AGMO: variants seen among roughly 807,000 people sequenced by gnomAD.
AGMO encodes the protein glyceryl-ether monooxygenase.
AGMO carries 75 observed loss-of-function variants against 60.2 expected under a neutral mutation model. The ratio of observed to expected loss-of-function variants is 1.25; its 90% CI spans 1.03 to 1.51. The LOEUF is 1.51. Ranked by LOEUF, AGMO falls within the 40% of genes most tolerant of loss-of-function variation. The probability of loss-of-function intolerance (pLI) is 0.00; values close to 1 mark genes in which losing one functional copy is unlikely to be tolerated. For synonymous variants in AGMO, 261 were observed against 177.1 expected, an observed-to-expected ratio of 1.47 and a Z score of -3.76; for missense variants, 763 against 525.5, an observed-to-expected ratio of 1.45 and a Z score of -4.42.
intron 12 of AGMO, among the ~76,000 whole-genome samples, chr7:15,242,697 A>G (rs1332359838): frequency 6.6e-6 from 1 of 152,146 alleles, no homozygotes; most frequent in South Asian, 2.1e-4. Context: ...AAGGACCTAA[A>G]TATTTACATG....
intron 5 of AGMO, among the ~76,000 whole-genome samples, chr7:15,415,627 A>G (rs1780744265): frequency 6.6e-6 from 1 of 152,134 alleles, no homozygotes; most frequent in Non-Finnish European, 1.5e-5. Flanking sequence ...TCTCTACTCA[A>G]GCATTACATG....
At chr7:15,510,171 T>A (rs1430013499) in intron 3 of AGMO, among the ~76,000 whole-genome samples, 1 of 152,056 alleles carries the variant, frequency 6.6e-6, no homozygotes, top group African/African-American at 2.4e-5. Context: ...TAAGCATCTT[T>A]TGTTTTGTTT....
chr7:15,553,401 A>G (rs1785032167), intron 2 of AGMO, among the ~76,000 whole-genome samples: 2 of 152,034 alleles, frequency 1.3e-5, no homozygotes, highest in African/African-American at 4.8e-5. Flanking sequence ...AGAAAGTTGA[A>G]ATCATCTCTA....
At chr7:15,349,328 G>GT (rs1171516111) in intron 12 of AGMO, among the ~76,000 whole-genome samples, 29 of 152,234 alleles carry the variant, frequency 1.9e-4, no homozygotes, top group Admixed American at 3.9e-4. Context: ...TGGAACCACT[G>GT]TGAGTGCCAT....
intron 10 of AGMO, among the ~76,000 whole-genome samples, chr7:15,384,563 C>A (rs958868178): frequency 6.6e-6 from 1 of 152,118 alleles, no homozygotes; most frequent in Non-Finnish European, 1.5e-5. Flanking sequence ...ACACCTGTTT[C>A]TTTCCAATAT....
intron 12 of AGMO, among the ~76,000 whole-genome samples, chr7:15,327,431 G>A (rs1452420655): frequency 6.6e-6 from 1 of 152,120 alleles, no homozygotes; most frequent in Non-Finnish European, 1.5e-5. Context: ...GGAATGACTG[G>A]GGCTGAGTCT....
intron 3 of AGMO, among the ~76,000 whole-genome samples, chr7:15,512,176 T>A (rs887846722): frequency 1.3e-5 from 2 of 152,224 alleles, no homozygotes; most frequent in Non-Finnish European, 2.9e-5. Context: ...ACCTCTTGTG[T>A]CATCTTCTAA....
At chr7:15,397,704 G>A (rs60157613) in intron 5 of AGMO, among the ~76,000 whole-genome samples, 14,695 of 151,930 alleles carry the variant, frequency 0.097, 2,304 homozygotes, top group African/African-American at 0.33. Context: ...ATATATTTTG[G>A]CCTACAAACA....
chr7:15,243,524 C>T (rs771236911), intron 12 of AGMO, among the ~76,000 whole-genome samples: 2 of 152,030 alleles, frequency 1.3e-5, no homozygotes, highest in East Asian at 1.9e-4. Context: ...ATAATGTAAA[C>T]GTCACTTGAC....
At chr7:15,416,078 G>T (rs11765926) in intron 5 of AGMO, among the ~76,000 whole-genome samples, 1 of 145,232 alleles carries the variant, frequency 6.9e-6, no homozygotes, top group Non-Finnish European at 1.5e-5. Context: ...CTGTCGCCCA[G>T]GCTGGAGTGC....
the AGMO span, among the ~76,000 whole-genome samples, chr7:15,165,862 T>A: frequency 1.3e-5 from 2 of 152,186 alleles, no homozygotes; most frequent in Non-Finnish European, 2.9e-5. Flanking sequence ...AAGCATATTA[T>A]TGCTCCATAG....
rs558675172 is a variant in AGMO, at chr7:15,511,278, T to C, written c.409+33494A>G. ...CCAGTGAACCTAATGAGCACATCTT[T>C]TATACGTAGTATGAAAGCAAAGTAC... On this transcript the variant is annotated intron_variant, in intron 3 of 12. Coordinates refer to ENST00000342526, the MANE Select transcript of AGMO (RefSeq NM_001004320.2). Among the ~76,000 whole-genome samples the C allele has an allele frequency of 3.6e-4, 55 of 152,246 alleles. No homozygotes were observed. The South Asian group carries it at 0.011, about 32-fold the overall frequency.
At chr7:15,492,880 C>A (rs1455119993) in intron 3 of AGMO, among the ~76,000 whole-genome samples, 1 of 152,082 alleles carries the variant, frequency 6.6e-6, no homozygotes, top group Non-Finnish European at 1.5e-5. Flanking sequence ...TCTTACCAGC[C>A]CCTCTGTCTT....
chr7:15,339,502 TA>T (rs1182971753), intron 12 of AGMO, among the ~76,000 whole-genome samples: 1 of 152,212 alleles, frequency 6.6e-6, no homozygotes, highest in Non-Finnish European at 1.5e-5. Context: ...CAGCTGGAAT[TA>T]TGTCAGAAGA....
At chr7:15,434,913 T>A (rs1283335607) in intron 3 of AGMO, among the ~76,000 whole-genome samples, 1 of 151,046 alleles carries the variant, frequency 6.6e-6, no homozygotes, top group Non-Finnish European at 1.5e-5. Context: ...TTTCTTTCCT[T>A]TTAGTTTTGC....
At chr7:15,207,885 G>T (rs1225565668) in intron 12 of AGMO, among the ~76,000 whole-genome samples, 2 of 152,234 alleles carry the variant, frequency 1.3e-5, no homozygotes. Flanking sequence ...AGTGAGCCGA[G>T]ATGGTGCCAC....
chr7:15,174,753 G>GA, the AGMO span, among the ~76,000 whole-genome samples: 1 of 129,426 alleles, frequency 7.7e-6, no homozygotes, highest in Non-Finnish European at 1.9e-5. Flanking sequence ...AATAAATGTG[G>GA]AAAAAGACTA....
At chr7:15,373,702 T>C (rs527595186) in intron 10 of AGMO, among the ~76,000 whole-genome samples, 20 of 152,240 alleles carry the variant, frequency 1.3e-4, no homozygotes, top group African/African-American at 4.3e-4. Context: ...TATGAAAAAA[T>C]TCTTTTTTTA....
At chr7:15,522,602 T>G (rs1198822410) in intron 3 of AGMO, among the ~76,000 whole-genome samples, 1 of 152,082 alleles carries the variant, frequency 6.6e-6, no homozygotes, top group African/African-American at 2.4e-5. Context: ...GGAAACAGAT[T>G]CCCCATTTAA....
Sources: allele counts gnomAD v4.1 joint callset (sites outside exome capture counted in the v4.1 genomes callset), GRCh38; gene constraint gnomAD v4.1.1; transcripts MANE v1.5; gene names NCBI Gene and HGNC (gene_info 2026-07-23, HGNC 2026-07-21).